The following CAPS2 variants were observed in gnomAD, a reference collection of about 807,000 sequenced individuals.
CAPS2 encodes calcyphosin-2.
CAPS2 carries 98 observed loss-of-function variants against 86.5 expected under a neutral mutation model. That is an observed-to-expected ratio of 1.13 (90% CI 0.96 to 1.34). The LOEUF (loss-of-function observed/expected upper bound fraction) is 1.34. Among genes scored for constraint, CAPS2 ranks in the 40% most tolerant of loss-of-function variants. The pLI is 0.00. For synonymous variants in CAPS2, 210 were observed against 225.1 expected, an observed-to-expected ratio of 0.93 and a Z score of 0.60; for missense variants, 729 against 686.8, an observed-to-expected ratio of 1.06 and a Z score of -0.69.
At chr12:75,340,173 C>T (rs951335933) in intron 1 of CAPS2, among the ~76,000 whole-genome samples, 7 of 149,846 alleles carry the variant, frequency 4.7e-5, no homozygotes, top group Non-Finnish European at 1.0e-4. Context: ...TATATATATA[C>T]ATACCACATT....
At chr12:75,299,712 C>T in intron 9 of CAPS2, 125 bp downstream of exon 9, 2 of 450,164 alleles carry the variant, frequency 4.4e-6, no homozygotes, top group Non-Finnish European at 8.1e-6. Flanking sequence ...AATGTTTGTT[C>T]TAAATTCACG....
chr12:75,279,984 C>T (rs1316018111), intron 16 of CAPS2, among the ~76,000 whole-genome samples: 1 of 151,722 alleles, frequency 6.6e-6, no homozygotes, highest in Non-Finnish European at 1.5e-5. Flanking sequence ...GAATTTCATA[C>T]CTCCTTTATA....
chr12:75,371,396 C>A, intron 1 of CAPS2: 1 of 250,798 alleles, frequency 4.0e-6, no homozygotes. Flanking sequence ...GTTGCCCACC[C>A]ACATTGAGGT....
intron 2 of CAPS2, among the ~76,000 whole-genome samples, chr12:75,324,301 A>G (rs758060091): frequency 6.6e-6 from 1 of 152,202 alleles, no homozygotes; most frequent in Non-Finnish European, 1.5e-5. Flanking sequence ...GTGAAAATCT[A>G]TTGGCTACAT....
At chr12:75,388,604 TA>T (rs879806801) in intron 1 of CAPS2, among the ~76,000 whole-genome samples, 1 of 150,764 alleles carries the variant, frequency 6.6e-6, no homozygotes, top group Non-Finnish European at 1.5e-5. Context: ...ATGAAGACAG[TA>T]AAAAAAAATT....
intron 15 of CAPS2, among the ~76,000 whole-genome samples, chr12:75,283,485 C>T (rs947017666): frequency 2.6e-5 from 4 of 152,040 alleles, no homozygotes; most frequent in African/African-American, 4.8e-5. Flanking sequence ...ATTAGGGTGG[C>T]CCCTTATCCA....
At chr12:75,371,397 A>T (rs371348425) in intron 1 of CAPS2, 1 of 257,750 alleles carries the variant, frequency 3.9e-6, no homozygotes, top group Non-Finnish European at 8.1e-6. Context: ...TTGCCCACCC[A>T]CATTGAGGTG....
chr12:75,305,668 C>A, intron 7 of CAPS2: 5 of 649,560 alleles, frequency 7.7e-6, no homozygotes, highest in South Asian at 5.5e-5. Flanking sequence ...AGGCCCCTAG[C>A]ACTGCCCAGT....
At position 75,322,681 on chromosome 12, in the gene CAPS2, A is replaced by G. The variant is rs552009898; in HGVS notation, c.291+293T>C. On this transcript the variant is annotated intron_variant, in intron 4 of 16. Coordinates refer to ENST00000393284, the Ensembl canonical transcript of CAPS2. ...AGCCTAAAGCATGAATCAGTTTCCA[A>G]GAGACCAGTCTTACATTGCTTAAGC... Among the ~76,000 whole-genome samples the G allele has an allele frequency of 3.7e-3, 567 of 152,340 alleles. 5 individuals are homozygous for G. The highest frequency in any genetic ancestry group is 0.013 in the African/African-American group (549 of 41,570).
chr12:75,310,148 A>C (rs766167744), intron 7 of CAPS2, among the ~76,000 whole-genome samples: 1 of 152,218 alleles, frequency 6.6e-6, no homozygotes, highest in Non-Finnish European at 1.5e-5. Flanking sequence ...CATGAAGCTC[A>C]CATTCTGAAG....
chr12:75,382,567 G>A (rs1428034704), intron 1 of CAPS2, among the ~76,000 whole-genome samples: 1 of 151,814 alleles, frequency 6.6e-6, no homozygotes, highest in Non-Finnish European at 1.5e-5. Flanking sequence ...TTGAACCCAA[G>A]AAGCGGAGGT....
chr12:75,290,936 A>AAAAAAAAAC (rs71438893), intron 13 of CAPS2, among the ~76,000 whole-genome samples: 84,155 of 146,920 alleles, frequency 0.57, 24,307 homozygotes, highest in South Asian at 0.74. Context: ...AAAAAAAAAC[A>AAAAAAAAAC]AAAAAAAAAC....
At chr12:75,385,494 AGC>A (rs1265258284) in intron 1 of CAPS2, among the ~76,000 whole-genome samples, 4 of 152,322 alleles carry the variant, frequency 2.6e-5, no homozygotes, top group Admixed American at 2.6e-4. Flanking sequence ...AAAAAGCTAT[AGC>A]TAACTGCATA....
intron 16 of CAPS2, among the ~76,000 whole-genome samples, chr12:75,280,923 A>C (rs1231990510): frequency 2.0e-5 from 3 of 151,940 alleles, no homozygotes; most frequent in African/African-American, 7.2e-5. Context: ...AAGGAATAAA[A>C]TTCTAAAAAT....
chr12:75,364,231 C>A (rs948924576), intron 1 of CAPS2, among the ~76,000 whole-genome samples: 4 of 152,170 alleles, frequency 2.6e-5, no homozygotes, highest in Non-Finnish European at 5.9e-5. Context: ...TGTCTGACCT[C>A]CCCTTTCCCA....
chr12:75,351,519 G>C (rs1347862093), intron 1 of CAPS2, among the ~76,000 whole-genome samples: 1 of 151,840 alleles, frequency 6.6e-6, no homozygotes, highest in East Asian at 1.9e-4. Flanking sequence ...AGAAGAGATT[G>C]GGAACAATAT....
chr12:75,343,383 G>A (rs1317190909), intron 1 of CAPS2, among the ~76,000 whole-genome samples: 1 of 151,806 alleles, frequency 6.6e-6, no homozygotes, highest in Non-Finnish European at 1.5e-5. Context: ...ATGACCTTCT[G>A]AATTACTAGA....
chr12:75,339,442 G>A (rs2041954858), intron 1 of CAPS2, among the ~76,000 whole-genome samples: 2 of 151,910 alleles, frequency 1.3e-5, no homozygotes, highest in African/African-American at 4.8e-5. Context: ...ACTTTTTAAT[G>A]GGGTTGTTCT....
At chr12:75,383,516 G>A (rs2045115562) in intron 1 of CAPS2, among the ~76,000 whole-genome samples, 1 of 152,178 alleles carries the variant, frequency 6.6e-6, no homozygotes, top group Non-Finnish European at 1.5e-5. Flanking sequence ...CACCTAACAA[G>A]AGAGTGTAGA....
Sources: allele counts gnomAD v4.1 joint callset (sites outside exome capture counted in the v4.1 genomes callset), GRCh38; gene constraint gnomAD v4.1.1; transcripts MANE v1.5; gene names NCBI Gene and HGNC (gene_info 2026-07-23, HGNC 2026-07-21).